The following ST13 variants were observed in gnomAD, a reference collection of about 807,000 sequenced individuals.
ST13 encodes ST13 Hsp70 interacting protein.
A neutral mutation model predicts 56.7 loss-of-function variants in ST13; 23 were observed. The observed-to-expected ratio is 0.41, with a 90% CI of 0.29 to 0.57. ST13 has a LOEUF of 0.57. ST13 is among the 20% of genes least tolerant of loss of function. The pLI is 0.36. For synonymous variants in ST13, 132 were observed against 142.4 expected, an observed-to-expected ratio of 0.93 and a Z score of 0.52; for missense variants, 369 against 459.9, an observed-to-expected ratio of 0.80 and a Z score of 1.81.
At chr22:40,855,268 A>T (rs2057884087) in intron 1 of ST13, among the ~76,000 whole-genome samples, 1 of 152,156 alleles carries the variant, frequency 6.6e-6, no homozygotes, top group South Asian at 2.1e-4. Context: ...TGGGCAACTT[A>T]ATGGGACCCC....
At position 40,827,297 on chromosome 22, in the gene ST13, A is replaced by C. The variant is rs980282505; in HGVS notation, c.848-68T>G. On this transcript the variant is annotated intron_variant, in intron 10 of 11. Coordinates refer to ENST00000216218, the MANE Select transcript of ST13 (RefSeq NM_003932.5). Reference sequence around the variant, plus strand: ...TTCTGACACAGTATTTCATCCACAAAAAGTACAGGTTCAAAGAATATGGGT... The same window carrying C: ...TTCTGACACAGTATTTCATCCACAACAAGTACAGGTTCAAAGAATATGGGT... The C allele has an allele frequency of 2.6e-6, 4 of 1,552,750 alleles. No individual in the cohort carries two copies. The Admixed American group carries it at 6.8e-5, about 26-fold the overall frequency.
chr22:40,836,650 G>T (rs2057778998), intron 5 of ST13, among the ~76,000 whole-genome samples: 1 of 152,082 alleles, frequency 6.6e-6, no homozygotes, highest in Non-Finnish European at 1.5e-5. Flanking sequence ...TGAATTCAAA[G>T]AAATGGTACA....
chr22:40,841,763 T>C (rs2057805750), intron 4 of ST13, among the ~76,000 whole-genome samples: 1 of 28,404 alleles, frequency 3.5e-5, no homozygotes, highest in South Asian at 8.4e-4. Context: ...ATGTTTTGCT[T>C]TTTTTTTTTT....
rs546378743 is a variant in ST13, at chr22:40,844,600, C to T, written c.315+239G>A. On this transcript the variant is annotated intron_variant, in intron 4 of 11. Coordinates refer to ENST00000216218, the MANE Select transcript of ST13 (RefSeq NM_003932.5). ...AGGTATGTATTTTAAGTGAATTCTG[C>T]GTTACAGTGCAAGCAGTCACACCAG... Among the ~76,000 whole-genome samples, 6 of 152,198 alleles carry T rather than the reference C, an allele frequency of 3.9e-5. No individual in the cohort carries two copies. In the East Asian group the frequency reaches 7.7e-4, roughly 20 times the overall value.
intron 1 of ST13, chr22:40,854,708 G>C (rs192060531): frequency 2.0e-5 from 3 of 152,118 alleles, no homozygotes; most frequent in Non-Finnish European, 4.4e-5. Flanking sequence ...TCTTGGAGCC[G>C]GCTATTTTCT....
At chr22:40,854,043 C>A (rs1323673901) in intron 1 of ST13, among the ~76,000 whole-genome samples, 1 of 152,186 alleles carries the variant, frequency 6.6e-6, no homozygotes, top group African/African-American at 2.4e-5. Flanking sequence ...ATCCTTATAT[C>A]AAATAAAACT....
intron 10 of ST13, among the ~76,000 whole-genome samples, chr22:40,828,479 G>T (rs374431712): frequency 7.2e-5 from 11 of 151,926 alleles, no homozygotes; most frequent in East Asian, 5.8e-4. Context: ...CGGGCGTGGT[G>T]GCAGGCGCCT....
chr22:40,834,639 G>T (rs2057769118), intron 7 of ST13, among the ~76,000 whole-genome samples: 1 of 152,092 alleles, frequency 6.6e-6, no homozygotes, highest in Non-Finnish European at 1.5e-5. Flanking sequence ...TCAAATCTTA[G>T]TTTCCGCTAT....
intron 1 of ST13, among the ~76,000 whole-genome samples, chr22:40,852,704 A>G (rs1172770656): frequency 1.3e-5 from 2 of 152,234 alleles, no homozygotes; most frequent in Non-Finnish European, 2.9e-5. Flanking sequence ...ATATGATCCA[A>G]AACATCCTAA....
intron 9 of ST13, 80 bp downstream of exon 9, chr22:40,830,760 G>A (rs971749962): frequency 2.5e-6 from 2 of 797,536 alleles, no homozygotes; most frequent in Admixed American, 2.4e-5. Flanking sequence ...AAAAGAGCCA[G>A]GAATTAAAAT....
chr22:40,833,861 TCAAAACAAAA>T (rs563918743), intron 7 of ST13, among the ~76,000 whole-genome samples: 15 of 150,866 alleles, frequency 9.9e-5, no homozygotes, highest in East Asian at 2.0e-4. Flanking sequence ...GCAAAATGCC[TCAAAACAAAA>T]CAAAACAAAA....
At chr22:40,855,836 T>C (rs1331308922) in intron 1 of ST13, among the ~76,000 whole-genome samples, 2 of 150,126 alleles carry the variant, frequency 1.3e-5, no homozygotes, top group Non-Finnish European at 1.5e-5. Context: ...CTTAAGAAAT[T>C]ATTTTTCTCA....
intron 2 of ST13, among the ~76,000 whole-genome samples, chr22:40,849,984 G>A (rs1443485504): frequency 6.6e-6 from 1 of 152,112 alleles, no homozygotes; most frequent in Non-Finnish European, 1.5e-5. Context: ...AGCATTCTGG[G>A]CCAGGCATGG....
chr22:40,836,362 G>A (rs1209450346), intron 5 of ST13, among the ~76,000 whole-genome samples: 1 of 152,144 alleles, frequency 6.6e-6, no homozygotes, highest in African/African-American at 2.4e-5. Context: ...GAGGAGTGGC[G>A]CGAACCCGGG....
At chr22:40,840,836 G>A in intron 4 of ST13, 144 bp from the exon 5 acceptor site, 1 of 658,416 alleles carries the variant, frequency 1.5e-6, no homozygotes, top group Non-Finnish European at 2.6e-6. Context: ...AGACAATTAT[G>A]ATAACTCATT....
intron 5 of ST13, among the ~76,000 whole-genome samples, chr22:40,837,511 T>C (rs1349914044): frequency 6.6e-6 from 1 of 152,098 alleles, no homozygotes; most frequent in East Asian, 1.9e-4. Context: ...CCGCATATGG[T>C]GGCGCATGCC....
At chr22:40,856,375 TC>T in intron 1 of ST13, 55 bp downstream of exon 1, 1 of 1,488,452 alleles carries the variant, frequency 6.7e-7, no homozygotes. Context: ...CCAGCCTGGC[TC>T]CCCCCTGGGG....
At chr22:40,833,539 TG>T (rs1294984288) in intron 7 of ST13, among the ~76,000 whole-genome samples, 1 of 128,724 alleles carries the variant, frequency 7.8e-6, no homozygotes, top group Admixed American at 8.9e-5. Context: ...CACTCTAGCC[TG>T]GGTGACAGAG....
intron 3 of ST13, among the ~76,000 whole-genome samples, chr22:40,845,671 T>C (rs1234681530): frequency 3.3e-5 from 5 of 152,170 alleles, no homozygotes; most frequent in East Asian, 3.9e-4. Context: ...CATTTAACAG[T>C]TGTCAGTTAA....
Sources: allele counts gnomAD v4.1 joint callset (sites outside exome capture counted in the v4.1 genomes callset), GRCh38; gene constraint gnomAD v4.1.1; transcripts MANE v1.5; gene names NCBI Gene and HGNC (gene_info 2026-07-23, HGNC 2026-07-21).